AFF1: variants seen among roughly 807,000 people sequenced by gnomAD.
AFF1 encodes ALF transcription elongation factor 1, also known as AF4/FMR2 family member 1.
In AFF1, 48 loss-of-function variants were observed where a neutral mutation model predicts 121.7. That is an observed-to-expected ratio of 0.39 (90% CI 0.31 to 0.50). The LOEUF is 0.50. Among genes scored for constraint, AFF1 ranks in the 20% least tolerant of loss-of-function variants. The probability of loss-of-function intolerance (pLI) is 0.76; values close to 1 mark genes in which losing one functional copy is unlikely to be tolerated. For missense variants in AFF1, 1,523 were observed against 1,511.7 expected (o/e 1.01, Z -0.12); for synonymous variants, 613 against 563.0 (o/e 1.09, Z -1.26).
intron 4 of AFF1, among the ~76,000 whole-genome samples, chr4:87,058,852 C>G (rs1047286810): frequency 4.6e-5 from 7 of 152,162 alleles, no homozygotes; most frequent in Admixed American, 4.6e-4. Flanking sequence ...TGTGCCTTCA[C>G]GCCACTGCCT....
intron 11 of AFF1, among the ~76,000 whole-genome samples, chr4:87,112,373 T>G (rs1726623370): frequency 6.6e-6 from 1 of 152,150 alleles, no homozygotes; most frequent in African/African-American, 2.4e-5. Flanking sequence ...AGTATACAGT[T>G]GACATAAGCG....
chr4:86,981,503 C>T (rs1483402937), intron 2 of AFF1, among the ~76,000 whole-genome samples: 3 of 151,888 alleles, frequency 2.0e-5, no homozygotes, highest in African/African-American at 7.3e-5. Flanking sequence ...GAGTAGCCTG[C>T]GATTCCAGGC....
At position 87,130,276 on chromosome 4, in the gene AFF1, A is replaced by G. The variant is rs1319989761; in HGVS notation, c.2965-807A>G. Among the ~76,000 whole-genome samples, 3 of 152,120 alleles carry G rather than the reference A, an allele frequency of 2.0e-5. No individual in the cohort carries two copies. In the East Asian group the frequency reaches 5.8e-4, roughly 29 times the overall value. On this transcript the variant is annotated intron_variant, in intron 16 of 20. Transcript: ENST00000395146. ...GCGTGAGCCACCATGCCCGGCCCCT[A>G]TTTTCATTCTTTCCTTTTGAACATA...
At chr4:87,094,512 T>G (rs1021910461) in intron 7 of AFF1, among the ~76,000 whole-genome samples, 3 of 152,140 alleles carry the variant, frequency 2.0e-5, no homozygotes, top group African/African-American at 7.2e-5. Flanking sequence ...GGAGAGCACC[T>G]AGGACAGAGC....
intron 8 of AFF1, among the ~76,000 whole-genome samples, chr4:87,104,596 G>C (rs1725725274): frequency 6.6e-6 from 1 of 152,224 alleles, no homozygotes; most frequent in African/African-American, 2.4e-5. Context: ...ATTTTCATTA[G>C]AAAACATAGT....
intron 12 of AFF1, among the ~76,000 whole-genome samples, chr4:87,122,801 A>G (rs1230574404): frequency 6.6e-6 from 1 of 151,646 alleles, no homozygotes; most frequent in East Asian, 1.9e-4. Flanking sequence ...AAGTAGAAAT[A>G]GAATATAAGC....
At chr4:87,075,749 G>C (rs1722600185) in intron 4 of AFF1, among the ~76,000 whole-genome samples, 1 of 152,178 alleles carries the variant, frequency 6.6e-6, no homozygotes, top group South Asian at 2.1e-4. Flanking sequence ...AAAATTTGAA[G>C]ACTTCTGCAT....
At chr4:87,055,186 C>T (rs62306514) in intron 4 of AFF1, among the ~76,000 whole-genome samples, 20,412 of 152,112 alleles carry the variant, frequency 0.13, 1,853 homozygotes, top group Middle Eastern at 0.23. Flanking sequence ...GGGTGTTGCC[C>T]AGGCTGAACC....
At chr4:86,998,302 A>G (rs186173084) in intron 2 of AFF1, among the ~76,000 whole-genome samples, 1 of 152,232 alleles carries the variant, frequency 6.6e-6, no homozygotes, top group Non-Finnish European at 1.5e-5. Flanking sequence ...CAAACAAGCT[A>G]GTCTCGCTAG....
chr4:87,131,584 G>A (rs559744369), intron 17 of AFF1, among the ~76,000 whole-genome samples: 1 of 152,314 alleles, frequency 6.6e-6, no homozygotes, highest in South Asian at 2.1e-4. Flanking sequence ...GTTTCAAGAG[G>A]TAGACAAGCC....
At chr4:87,045,669 G>A (rs1730613313) in intron 2 of AFF1, among the ~76,000 whole-genome samples, 1 of 152,018 alleles carries the variant, frequency 6.6e-6, no homozygotes, top group East Asian at 1.9e-4. Flanking sequence ...AGTAAATGCT[G>A]TTTTGGGTGC....
intron 12 of AFF1, among the ~76,000 whole-genome samples, chr4:87,123,549 T>G (rs1211647950): frequency 6.6e-6 from 1 of 152,210 alleles, no homozygotes; most frequent in Non-Finnish European, 1.5e-5. Context: ...TAAGCCACTC[T>G]GAAGGAAGCC....
rs1480078297 is a variant in AFF1 at position 87,140,146 on chromosome 4, A to G, written c.*4445A>G. 3 of 202,732 alleles carry G rather than the reference A, an allele frequency of 1.5e-5. No individual in the cohort carries two copies. The highest frequency in any genetic ancestry group is 3.0e-5 in the Non-Finnish European group (3 of 98,552). 12.6% of individuals were successfully genotyped at this position (202,732 alleles called of 1,614,324 possible). ...AGGACAAGGGAATAAGACCACTCAT[A>G]GTGAGGCTGGCCAAGCTGCACTGGT... On this transcript the variant is annotated 3_prime_UTR_variant, in exon 21 of 21. Transcript: ENST00000395146.
intron 16 of AFF1, among the ~76,000 whole-genome samples, chr4:87,129,943 C>G (rs1343294422): frequency 1.3e-5 from 2 of 151,876 alleles, no homozygotes; most frequent in Non-Finnish European, 1.5e-5. Context: ...ATTCCACTTA[C>G]ATCTTTACTA....
intron 4 of AFF1, among the ~76,000 whole-genome samples, chr4:87,054,565 C>T (rs532391847): frequency 1.1e-4 from 16 of 152,186 alleles, no homozygotes; most frequent in Non-Finnish European, 4.4e-5. Flanking sequence ...TCCGTAAGCT[C>T]GACCTCAGTG....
chr4:87,045,320 T>G (rs540728585), intron 2 of AFF1, among the ~76,000 whole-genome samples: 1 of 152,308 alleles, frequency 6.6e-6, no homozygotes, highest in South Asian at 2.1e-4. Flanking sequence ...CACTTTTTAA[T>G]CATACATTGC....
intron 2 of AFF1, among the ~76,000 whole-genome samples, chr4:87,041,025 G>A (rs532341739): frequency 4.0e-5 from 6 of 151,726 alleles, no homozygotes; most frequent in East Asian, 1.9e-4. Flanking sequence ...ACAGGTGTGC[G>A]CCACCACGCC....
At chr4:87,081,337 A>G (rs1432405494) in intron 4 of AFF1, among the ~76,000 whole-genome samples, 1 of 151,512 alleles carries the variant, frequency 6.6e-6, no homozygotes, top group Non-Finnish European at 1.5e-5. Context: ...AATTTTTTGT[A>G]TTTTTAGTAG....
At chr4:86,955,102 AT>A (rs1721644088) in intron 2 of AFF1, among the ~76,000 whole-genome samples, 1 of 152,124 alleles carries the variant, frequency 6.6e-6, no homozygotes, top group Non-Finnish European at 1.5e-5. Flanking sequence ...GTTTTAAATT[AT>A]CCAGATTTCC....
Sources: gnomAD v4.1 joint callset for allele counts (sites outside exome capture counted in the v4.1 genomes callset) on GRCh38, gnomAD v4.1.1 for gene constraint, MANE v1.5 for transcripts, NCBI Gene and HGNC (gene_info 2026-07-23, HGNC 2026-07-21) for gene names.